Variants in PTCHD4 observed in about 807,000 individuals in gnomAD.
PTCHD4 encodes the protein patched domain-containing protein 4.
A neutral mutation model predicts 58.1 loss-of-function variants in PTCHD4; 33 were observed. The ratio of observed to expected loss-of-function variants is 0.57; its 90% confidence interval spans 0.43 to 0.76. PTCHD4 has a LOEUF of 0.76. PTCHD4 is among the 30% of genes least tolerant of loss of function. The probability of loss-of-function intolerance (pLI) is 0.00; values close to 1 mark genes in which losing one functional copy is unlikely to be tolerated. For missense variants in PTCHD4, 1,058 were observed against 1,027.1 expected (o/e 1.03, Z -0.41); for synonymous variants, 478 against 409.6 (o/e 1.17, Z -2.02).
At chr6:48,095,024 T>TA (rs987455512) in intron 1 of PTCHD4, among the ~76,000 whole-genome samples, 84 of 152,258 alleles carry the variant, frequency 5.5e-4, no homozygotes, top group African/African-American at 2.0e-3. Flanking sequence ...GTATAGATTA[T>TA]AAAGATGTAG....
chr6:48,003,439 T>C (rs1575789), intron 4 of PTCHD4, among the ~76,000 whole-genome samples: 129,974 of 152,142 alleles, frequency 0.85, 55,972 homozygotes, highest in African/African-American at 0.96. Context: ...TTCTCTTACA[T>C]GCCATATCTA....
chr6:47,887,219 A>G (rs901972335), intron 4 of PTCHD4, among the ~76,000 whole-genome samples: 4 of 149,374 alleles, frequency 2.7e-5, no homozygotes, highest in African/African-American at 9.8e-5. Flanking sequence ...ATTAATTTAT[A>G]TTTAATATAT....
intron 1 of PTCHD4, among the ~76,000 whole-genome samples, chr6:48,107,541 C>CA (rs1283934017): frequency 6.6e-6 from 1 of 151,896 alleles, no homozygotes; most frequent in Non-Finnish European, 1.5e-5. Flanking sequence ...TAGGCATGGG[C>CA]AAGGACTTCA....
chr6:48,098,404 T>C (rs1408399651), intron 1 of PTCHD4, among the ~76,000 whole-genome samples: 1 of 149,934 alleles, frequency 6.7e-6, no homozygotes, highest in Non-Finnish European at 1.5e-5. Context: ...AGTGGCAGGA[T>C]CTCCGCTCGC....
intron 3 of PTCHD4, among the ~76,000 whole-genome samples, chr6:48,045,790 T>TC (rs1302930398): frequency 1.3e-5 from 2 of 151,394 alleles, no homozygotes; most frequent in African/African-American, 2.4e-5. Flanking sequence ...TTTTTTTTTT[T>TC]CCCACTCAGC....
intron 3 of PTCHD4, among the ~76,000 whole-genome samples, chr6:48,017,988 G>A (rs79425500): frequency 0.037 from 5,700 of 152,232 alleles, 132 homozygotes; most frequent in Admixed American, 0.068. Context: ...AATTATATAG[G>A]CATTGAGAAG....
intron 4 of PTCHD4, among the ~76,000 whole-genome samples, chr6:47,903,165 G>T (rs1764766820): frequency 6.6e-6 from 1 of 152,016 alleles, no homozygotes; most frequent in Admixed American, 6.6e-5. Flanking sequence ...AGTACAATAT[G>T]TACAAACTTT....
intron 3 of PTCHD4, among the ~76,000 whole-genome samples, chr6:48,064,366 C>A (rs1465825373): frequency 6.6e-6 from 1 of 152,126 alleles, no homozygotes; most frequent in Non-Finnish European, 1.5e-5. Context: ...CCTGTAAACA[C>A]CTGACCTCCT....
At chr6:48,050,513 G>A (rs1176663673) in intron 3 of PTCHD4, among the ~76,000 whole-genome samples, 1 of 152,014 alleles carries the variant, frequency 6.6e-6, no homozygotes, top group Non-Finnish European at 1.5e-5. Flanking sequence ...CATCCAATCT[G>A]AGTGGACTTT....
chr6:47,917,982 G>C (rs1256755063), intron 4 of PTCHD4, among the ~76,000 whole-genome samples: 1 of 152,112 alleles, frequency 6.6e-6, no homozygotes, highest in Non-Finnish European at 1.5e-5. Flanking sequence ...CGGGGGGATG[G>C]ATGGGTCTAG....
At chr6:47,995,870 A>G (rs1254354498) in intron 4 of PTCHD4, among the ~76,000 whole-genome samples, 2 of 152,182 alleles carry the variant, frequency 1.3e-5, no homozygotes, top group African/African-American at 4.8e-5. Flanking sequence ...ATGCTATGAA[A>G]CACATTTAGT....
chr6:48,000,924 A>C (rs1768695028), intron 4 of PTCHD4, among the ~76,000 whole-genome samples: 1 of 152,204 alleles, frequency 6.6e-6, no homozygotes, highest in Admixed American at 6.5e-5. Flanking sequence ...TCGAAAGAAC[A>C]ATGTGCAAAA....
At chr6:47,918,964 G>A (rs1033262172) in intron 4 of PTCHD4, among the ~76,000 whole-genome samples, 11 of 152,046 alleles carry the variant, frequency 7.2e-5, no homozygotes, top group Admixed American at 5.2e-4. Context: ...GATGAGGTGC[G>A]AGCCATAGTG....
intron 3 of PTCHD4, among the ~76,000 whole-genome samples, chr6:48,034,186 C>G (rs1261607615): frequency 6.6e-6 from 1 of 152,074 alleles, no homozygotes. Flanking sequence ...TTTGGGTATA[C>G]TGTAAGCTTT....
intron 4 of PTCHD4, among the ~76,000 whole-genome samples, chr6:47,956,102 AT>A (rs1474013035): frequency 6.6e-6 from 1 of 152,206 alleles, no homozygotes; most frequent in Non-Finnish European, 1.5e-5. Flanking sequence ...CAGCACTGGA[AT>A]ATCCTTTTCA....
intron 4 of PTCHD4, among the ~76,000 whole-genome samples, chr6:47,971,793 T>C (rs1283790527): frequency 6.6e-6 from 1 of 151,968 alleles, no homozygotes; most frequent in Non-Finnish European, 1.5e-5. Context: ...GAATCAAATC[T>C]ATAGGAAATT....
intron 1 of PTCHD4, among the ~76,000 whole-genome samples, chr6:48,083,370 T>C (rs1364023339): frequency 6.6e-6 from 1 of 152,022 alleles, no homozygotes. Context: ...ATAGTAATAA[T>C]AGAGTATAAT....
In PTCHD4 at chr6:47,940,989, C is replaced by A. The variant is rs78121061; in HGVS notation, c.899-61053G>T. 1.1e-3 allele frequency among the ~76,000 whole-genome samples: 164 copies of A among 152,174 alleles called. 1 individual carries two copies. In the South Asian group the frequency reaches 0.032, roughly 29 times the overall value. On this transcript the variant is annotated intron_variant, in intron 4 of 4. Coordinates refer to ENST00000339488, the MANE Select transcript of PTCHD4 (RefSeq NM_001384253.1). ...CTGACACAGAGTCTCACTTCCAGAC[C>A]TTTTATTACTTGGCCTGCCTACACA... is the stretch of plus-strand genomic sequence containing the variant.
intron 4 of PTCHD4, among the ~76,000 whole-genome samples, chr6:47,883,002 C>A (rs12198322): frequency 0.52 from 77,696 of 150,848 alleles, 20,601 homozygotes; most frequent in East Asian, 0.75. Flanking sequence ...ATTCTTGATT[C>A]TAGATGGGTC....
Sources: gnomAD v4.1 joint callset for allele counts (sites outside exome capture counted in the v4.1 genomes callset) on GRCh38, gnomAD v4.1.1 for gene constraint, MANE v1.5 for transcripts, NCBI Gene and HGNC (gene_info 2026-07-23, HGNC 2026-07-21) for gene names.